The following ABL1 variants were observed in gnomAD, a reference collection of about 807,000 sequenced individuals.
ABL1 encodes tyrosine-protein kinase ABL1.
Under a neutral mutation model 94.7 loss-of-function variants are expected in ABL1, and 11 were observed. That is an observed-to-expected ratio of 0.12 (90% CI 0.07 to 0.19). ABL1 has a LOEUF of 0.19. Among genes scored for constraint, ABL1 ranks in the 10% least tolerant of loss-of-function variants. The probability of loss-of-function intolerance (pLI) is 1.00; values close to 1 mark genes in which losing one functional copy is unlikely to be tolerated. For missense variants in ABL1, 1,082 were observed against 1,489.4 expected, an observed-to-expected ratio of 0.73 and a Z score of 4.50; for synonymous variants, 656 against 622.4, an observed-to-expected ratio of 1.05 and a Z score of -0.80.
intron 1 of ABL1, among the ~76,000 whole-genome samples, chr9:130,772,882 A>G (rs998590250): frequency 1.3e-5 from 2 of 152,236 alleles, no homozygotes; most frequent in South Asian, 2.1e-4. Context: ...GGTATGAGGG[A>G]GACTTTTGCT....
At chr9:130,808,820 G>A (rs35084801) in intron 1 of ABL1, among the ~76,000 whole-genome samples, 5,399 of 152,138 alleles carry the variant, frequency 0.035, 299 homozygotes, top group African/African-American at 0.12. Context: ...GTCCACACAT[G>A]ATTGGCTAAG....
chr9:130,774,476 TAC>T (rs907542656), intron 1 of ABL1, among the ~76,000 whole-genome samples: 2 of 152,080 alleles, frequency 1.3e-5, no homozygotes, highest in African/African-American at 4.8e-5. Context: ...ATTGATTGGC[TAC>T]ACTTTGAGCA....
intron 10 of ABL1, 85 bp from the exon 11 acceptor site, chr9:130,883,884 C>A: frequency 6.7e-7 from 1 of 1,482,494 alleles, no homozygotes; most frequent in Non-Finnish European, 9.0e-7. Context: ...GCAGCAGTGG[C>A]ACTCTGCCTC....
chr9:130,865,010 T>G (rs1831132498), intron 4 of ABL1, among the ~76,000 whole-genome samples: 1 of 152,172 alleles, frequency 6.6e-6, no homozygotes, highest in African/African-American at 2.4e-5. Context: ...TGTGGCATTG[T>G]TTTCTGAACA....
At chr9:130,758,189 C>T (rs1272159649) in intron 1 of ABL1, among the ~76,000 whole-genome samples, 1 of 150,214 alleles carries the variant, frequency 6.7e-6, no homozygotes, top group Non-Finnish European at 1.5e-5. Context: ...GAGACAGAGT[C>T]TCGCTCTGTC....
intron 1 of ABL1, among the ~76,000 whole-genome samples, chr9:130,792,035 T>TA (rs1242642173): frequency 2.6e-5 from 4 of 152,076 alleles, no homozygotes; most frequent in African/African-American, 9.7e-5. Flanking sequence ...AGAGATGCAT[T>TA]AACTTGCCTA....
At chr9:130,819,590 G>A (rs1830333246) in intron 1 of ABL1, among the ~76,000 whole-genome samples, 2 of 140,184 alleles carry the variant, frequency 1.4e-5, no homozygotes, top group Admixed American at 1.5e-4. Flanking sequence ...CCAGGCCGGA[G>A]TGCAGTGGCA....
At chr9:130,779,971 A>T (rs1170781257) in intron 1 of ABL1, among the ~76,000 whole-genome samples, 1 of 152,142 alleles carries the variant, frequency 6.6e-6, no homozygotes, top group East Asian at 1.9e-4. Context: ...GGATGTTCTT[A>T]AAAAGAGCAC....
At position 130,872,311 on chromosome 9, in the gene ABL1, C is replaced by T. The variant is rs34136772; in HGVS notation, c.907+98C>T. ...CGCACGGGCGGCTCACTGCACAAAA[C>T]CTCGTTGGAATATTTGTGCTCTGCC... On this transcript the variant is annotated intron_variant, in intron 5 of 10. Coordinates refer to ENST00000318560, the MANE Select transcript of ABL1 (RefSeq NM_005157.6). This position sits in a 1 kb window ranked among gnomAD's most constrained non-coding sequence, Gnocchi z 5.0. 0.035 allele frequency: 39,053 copies of T among 1,123,796 alleles called. 824 individuals are homozygous for T. Among genetic ancestry groups the T allele is most frequent in the Non-Finnish European group, 0.042 (32,500 of 773,566 alleles). The allele number at this position is 1,123,796 out of a possible 1,614,324, so 69.6% of individuals were successfully genotyped here.
At chr9:130,826,450 G>C (rs1441274083) in intron 1 of ABL1, among the ~76,000 whole-genome samples, 1 of 152,102 alleles carries the variant, frequency 6.6e-6, no homozygotes, top group Non-Finnish European at 1.5e-5. Context: ...TTTAAGTGAA[G>C]ATGTGTAAGG....
chr9:130,772,262 T>G (rs1832261827), intron 1 of ABL1, among the ~76,000 whole-genome samples: 1 of 152,218 alleles, frequency 6.6e-6, no homozygotes, highest in South Asian at 2.1e-4. Flanking sequence ...GGTAGAGAGA[T>G]ATCTCCCAAA....
chr9:130,777,465 C>T (rs1237066063), intron 1 of ABL1, among the ~76,000 whole-genome samples: 1 of 148,988 alleles, frequency 6.7e-6, no homozygotes, highest in Non-Finnish European at 1.5e-5. Context: ...TGTTGGGACA[C>T]TGACTCACTG....
At chr9:130,861,132 A>G (rs1831064869) in intron 3 of ABL1, among the ~76,000 whole-genome samples, 1 of 152,208 alleles carries the variant, frequency 6.6e-6, no homozygotes, top group Non-Finnish European at 1.5e-5. Context: ...AAGTCTTGCC[A>G]TTCAGCGGTC....
At chr9:130,713,738 T>C (rs1010550371) in exon 1 of ABL1, among the ~76,000 whole-genome samples, 4 of 152,202 alleles carry the variant, frequency 2.6e-5, no homozygotes, top group African/African-American at 9.6e-5. Context: ...TTGCTGGCAA[T>C]GCATTCCTTT....
chr9:130,776,163 C>T (rs1305232963), intron 1 of ABL1, among the ~76,000 whole-genome samples: 1 of 152,200 alleles, frequency 6.6e-6, no homozygotes, highest in Non-Finnish European at 1.5e-5. Context: ...GAGAATTAGT[C>T]ATGTGGTATC....
At chr9:130,769,019 A>G (rs1160282641) in intron 1 of ABL1, among the ~76,000 whole-genome samples, 1 of 152,100 alleles carries the variant, frequency 6.6e-6, no homozygotes, top group Non-Finnish European at 1.5e-5. Context: ...TTATCTTTTG[A>G]GAGTGGAATG....
At chr9:130,740,688 C>T (rs970661534) in intron 1 of ABL1, among the ~76,000 whole-genome samples, 1 of 152,142 alleles carries the variant, frequency 6.6e-6, no homozygotes, top group African/African-American at 2.4e-5. Context: ...CAAGGTCTTG[C>T]TCTGTCACCC....
At chr9:130,773,862 T>C (rs1832282397) in intron 1 of ABL1, among the ~76,000 whole-genome samples, 1 of 152,142 alleles carries the variant, frequency 6.6e-6, no homozygotes, top group South Asian at 2.1e-4. Flanking sequence ...ATTATATGTA[T>C]ATGCCCACAA....
At chr9:130,758,304 G>A (rs1832067404) in intron 1 of ABL1, among the ~76,000 whole-genome samples, 1 of 152,000 alleles carries the variant, frequency 6.6e-6, no homozygotes. Flanking sequence ...GGGATTACAG[G>A]CGTGTACTAC....
Sources: gnomAD v4.1 joint callset for allele counts (sites outside exome capture counted in the v4.1 genomes callset) on GRCh38, gnomAD v4.1.1 for gene constraint, Gnocchi (gnomAD v3.1) non-coding constraint, MANE v1.5 for transcripts, NCBI Gene and HGNC (gene_info 2026-07-23, HGNC 2026-07-21) for gene names.